The following PDE3A variants were observed in gnomAD, a reference collection of about 807,000 sequenced individuals.
The protein encoded by PDE3A is phosphodiesterase 3A, also known as cGMP-inhibited 3',5'-cyclic phosphodiesterase 3A.
In PDE3A, 43 loss-of-function variants were observed where a neutral mutation model predicts 98.3. The observed-to-expected ratio is 0.44, with a 90% CI of 0.34 to 0.56. The LOEUF (loss-of-function observed/expected upper bound fraction) is 0.56, where lower values mean the gene tolerates loss of function less well. Ranked by LOEUF, PDE3A falls within the 20% of genes least tolerant of loss-of-function variation. The pLI, the probability that PDE3A is intolerant of heterozygous loss-of-function variation, is 0.01. For missense variants in PDE3A, 1,427 were observed against 1,440.7 expected, an observed-to-expected ratio of 0.99 and a Z score of 0.15; for synonymous variants, 663 against 567.9, an observed-to-expected ratio of 1.17 and a Z score of -2.38.
At chr12:20,390,153 G>C (rs1258568238) in intron 1 of PDE3A, among the ~76,000 whole-genome samples, 1 of 151,866 alleles carries the variant, frequency 6.6e-6, no homozygotes, top group Non-Finnish European at 1.5e-5. Flanking sequence ...GAGTAGAGGT[G>C]GGATGCTGGG....
intron 1 of PDE3A, among the ~76,000 whole-genome samples, chr12:20,527,109 G>A (rs977561849): frequency 2.0e-5 from 3 of 152,024 alleles, no homozygotes; most frequent in African/African-American, 7.3e-5. Flanking sequence ...AGTAAAGAGG[G>A]GGTTTCACCA....
chr12:20,424,759 T>C (rs996591930), intron 1 of PDE3A, among the ~76,000 whole-genome samples: 12 of 152,160 alleles, frequency 7.9e-5, no homozygotes, highest in African/African-American at 2.7e-4. Flanking sequence ...AACTGTTAAG[T>C]CTTAACAGTG....
intron 2 of PDE3A, among the ~76,000 whole-genome samples, chr12:20,583,306 T>G (rs573161258): frequency 6.6e-6 from 1 of 152,254 alleles, no homozygotes; most frequent in African/African-American, 2.4e-5. Context: ...TCTCACAATG[T>G]CTGTAGTTTC....
chr12:20,379,350 C>T (rs2120534932), intron 1 of PDE3A, among the ~76,000 whole-genome samples: 1 of 151,874 alleles, frequency 6.6e-6, no homozygotes, highest in East Asian at 1.9e-4. Flanking sequence ...GAAACATCCC[C>T]TTGTTTGGGA....
intron 1 of PDE3A, among the ~76,000 whole-genome samples, chr12:20,498,362 G>T (rs539456947): frequency 6.6e-6 from 1 of 151,728 alleles, no homozygotes; most frequent in Non-Finnish European, 1.5e-5. Context: ...ACCAACCTCA[G>T]ATGGAAAATA....
At chr12:20,491,632 G>A (rs1945827678) in intron 1 of PDE3A, among the ~76,000 whole-genome samples, 1 of 152,120 alleles carries the variant, frequency 6.6e-6, no homozygotes. Context: ...AGGAAGGATA[G>A]AAATTCACCT....
rs181893986 is a variant in PDE3A at position 20,581,242 on chromosome 12, A to G, written c.1011+24532A>G. Among the ~76,000 whole-genome samples, 520 of 152,310 alleles carry G rather than the reference A, an allele frequency of 3.4e-3. 4 individuals are homozygous for G. The highest frequency in any genetic ancestry group is 0.011 in the African/African-American group (464 of 41,570). On this transcript the variant is annotated intron_variant, in intron 2 of 15. Transcript: ENST00000359062. ...TGCATTAAATTAGAATAGCGGGTAA[A>G]AACTTAATGCCAAACAGAAGGCTTA...
intron 1 of PDE3A, among the ~76,000 whole-genome samples, chr12:20,519,760 C>T (rs1167882885): frequency 6.6e-6 from 1 of 152,072 alleles, no homozygotes; most frequent in East Asian, 1.9e-4. Context: ...GATTGATTTT[C>T]TCAGTCCTGT....
intron 1 of PDE3A, among the ~76,000 whole-genome samples, chr12:20,380,573 A>G (rs902882334): frequency 3.3e-5 from 5 of 151,992 alleles, no homozygotes; most frequent in African/African-American, 9.6e-5. Flanking sequence ...AATCAGAGAC[A>G]TATCTTTTGA....
At chr12:20,662,327 G>A (rs1292631077) in intron 15 of PDE3A, among the ~76,000 whole-genome samples, 1 of 151,762 alleles carries the variant, frequency 6.6e-6, no homozygotes, top group Non-Finnish European at 1.5e-5. Flanking sequence ...CTCAGATAAA[G>A]ATGAGGAACT....
At chr12:20,395,561 T>TATAATATGTATACTATGTGTACACATAGC (rs1296459191) in intron 1 of PDE3A, among the ~76,000 whole-genome samples, 20 of 146,678 alleles carry the variant, frequency 1.4e-4, no homozygotes, top group African/African-American at 5.0e-4. Context: ...GTACACATAG[T>TATAATATGTATACTATGTGTACACATAGC]ATATATATAC....
chr12:20,562,283 C>T (rs1942545334), intron 2 of PDE3A, among the ~76,000 whole-genome samples: 1 of 140,192 alleles, frequency 7.1e-6, no homozygotes, highest in Non-Finnish European at 1.5e-5. Context: ...TGCAGTGGTG[C>T]GATCTCAGCT....
Position 20,552,681 on chromosome 12 carries a change from CAG to C in PDE3A, c.961-3974_961-3973del. The C allele has an allele frequency of 6.2e-7, 1 of 1,613,982 alleles. No individual in the cohort carries two copies. The highest frequency in any genetic ancestry group is 8.5e-7 in the Non-Finnish European group (1 of 1,179,878). On this transcript the variant is annotated intron_variant, in intron 1 of 15. Coordinates refer to ENST00000359062, the MANE Select transcript of PDE3A (RefSeq NM_000921.5). This position sits in a 1 kb window ranked among gnomAD's most constrained non-coding sequence, Gnocchi z 5.1. ...TCACGGCCCAGCAGAGCAGCCTCAT[CAG>C]AGAGGACAAGAGCAACGCCAAGCTG...
chr12:20,624,326 A>G (rs545255825), intron 5 of PDE3A, among the ~76,000 whole-genome samples: 15 of 152,290 alleles, frequency 9.8e-5, no homozygotes, highest in East Asian at 1.9e-4. Flanking sequence ...AATAACCAAC[A>G]TGATAAGATC....
intron 7 of PDE3A, 40 bp from the exon 8 acceptor site, chr12:20,634,862 A>C: frequency 4.0e-6 from 6 of 1,518,270 alleles, no homozygotes; most frequent in Non-Finnish European, 5.5e-6. Flanking sequence ...CCCTTTCCCC[A>C]TTGTAGATCT....
chr12:20,509,122 A>G (rs1946171450), intron 1 of PDE3A, among the ~76,000 whole-genome samples: 1 of 152,012 alleles, frequency 6.6e-6, no homozygotes, highest in Non-Finnish European at 1.5e-5. Context: ...CGCAGATTCA[A>G]TTACGTCTAA....
chr12:20,673,166 T>G (rs1370239749), intron 15 of PDE3A, among the ~76,000 whole-genome samples: 4 of 152,230 alleles, frequency 2.6e-5, no homozygotes, highest in African/African-American at 7.2e-5. Context: ...TCTCACACCA[T>G]TTAGAATGGC....
rs368761542 is a variant in PDE3A, at chr12:20,613,673, T to C, written c.1242T>C (p.Ser414=). 8.6e-5 allele frequency: 139 copies of C among 1,613,822 alleles called. No individual in the cohort carries two copies. Among genetic ancestry groups the C allele is most frequent in the Non-Finnish European group, 1.1e-4 (134 of 1,179,798 alleles). ...CCTGTTCTGACTCTGAAGAGAGCTC[T>C]GAAAAAGACAAGCTTGCTATTCCAA... The part of the protein sequence containing the change: ...NYTCSDSEES[S]EKDKLAIPKR... Residue 414 remains serine, a synonymous_variant, in exon 3 of 16, where the codon TCT becomes TCC. Coordinates refer to ENST00000359062, the MANE Select transcript of PDE3A (RefSeq NM_000921.5).
intron 10 of PDE3A, among the ~76,000 whole-genome samples, chr12:20,642,208 G>T (rs1944660498): frequency 6.6e-6 from 1 of 152,008 alleles, no homozygotes; most frequent in Admixed American, 6.6e-5. Flanking sequence ...TCTTATTATA[G>T]TTCTAAGTGT....
Sources: allele counts gnomAD v4.1 joint callset (sites outside exome capture counted in the v4.1 genomes callset), GRCh38; gene constraint gnomAD v4.1.1; non-coding constraint Gnocchi (gnomAD v3.1); transcripts MANE v1.5; gene names NCBI Gene and HGNC (gene_info 2026-07-23, HGNC 2026-07-21).